RHOBTB3: variants seen among roughly 807,000 people sequenced by gnomAD.
RHOBTB3 encodes the protein Rho related BTB domain containing 3, also known as rho-related BTB domain-containing protein 3.
A neutral mutation model predicts 67.2 loss-of-function variants in RHOBTB3; 47 were observed. That is an observed-to-expected ratio of 0.70 (90% confidence interval 0.55 to 0.89). The LOEUF is 0.89. Ranked by LOEUF, RHOBTB3 falls within the 40% of genes least tolerant of loss-of-function variation. RHOBTB3 has a pLI of 0.00. For missense variants in RHOBTB3, 631 were observed against 750.0 expected, an observed-to-expected ratio of 0.84 and a Z score of 1.85; for synonymous variants, 273 against 274.2, an observed-to-expected ratio of 1.00 and a Z score of 0.04.
At chr5:95,792,989 CA>C (rs1170923497) in intron 11 of RHOBTB3, 69 bp from the exon 12 acceptor site, 1 of 1,048,430 alleles carries the variant, frequency 9.5e-7, no homozygotes, top group African/African-American at 1.6e-5. Flanking sequence ...AAGAGGAAAT[CA>C]ATAGCTGATA....
intron 3 of RHOBTB3, among the ~76,000 whole-genome samples, chr5:95,745,088 A>T (rs530041125): frequency 3.0e-4 from 46 of 152,138 alleles, no homozygotes; most frequent in South Asian, 1.0e-3. Flanking sequence ...AAATAAATAA[A>T]TACATAAAAA....
chr5:95,791,524 C>A (rs79801543), intron 11 of RHOBTB3, among the ~76,000 whole-genome samples: 3,606 of 152,230 alleles, frequency 0.024, 52 homozygotes, highest in Middle Eastern at 0.037. Context: ...TTTGCTTCCT[C>A]TTGAAACTTA....
In RHOBTB3 at chr5:95,793,362, C is replaced by T; in HGVS notation, c.*188C>T. ...TGGTCTTAAAAGGGAACAAAATATA[C>T]CATAGGCTAAAACTAAGGCTTTCAC... On this transcript the variant is annotated 3_prime_UTR_variant, in exon 12 of 12. Coordinates refer to ENST00000379982, the MANE Select transcript of RHOBTB3 (RefSeq NM_014899.4). 2 of 441,276 alleles carry T rather than the reference C, an allele frequency of 4.5e-6. No individual in the cohort carries two copies. Among genetic ancestry groups the T allele is most frequent in the South Asian group, 4.7e-5 (1 of 21,464 alleles). 27.3% of individuals were successfully genotyped at this position (441,276 alleles called of 1,614,324 possible).
At chr5:95,721,092 A>G (rs1299255975) in intron 1 of RHOBTB3, among the ~76,000 whole-genome samples, 1 of 152,252 alleles carries the variant, frequency 6.6e-6, no homozygotes, top group Non-Finnish European at 1.5e-5. Context: ...ATAAGGATAC[A>G]CTATGACTTA....
At chr5:95,790,734 G>C (rs546717001) in intron 11 of RHOBTB3, among the ~76,000 whole-genome samples, 1 of 152,202 alleles carries the variant, frequency 6.6e-6, no homozygotes, top group East Asian at 1.9e-4. Context: ...CATCCTCTTG[G>C]GCAGAGGAAA....
intron 9 of RHOBTB3, chr5:95,782,383 GA>G (rs1746075382): frequency 6.6e-6 from 1 of 152,206 alleles, no homozygotes; most frequent in Non-Finnish European, 1.5e-5. Context: ...GGGAAAGGGG[GA>G]AACAGGGAGT....
chr5:95,750,101 A>G (rs1024795735), intron 4 of RHOBTB3, among the ~76,000 whole-genome samples: 4 of 152,240 alleles, frequency 2.6e-5, no homozygotes, highest in Non-Finnish European at 5.9e-5. Context: ...GTAAAGTACA[A>G]CTGGGATCTT....
intron 1 of RHOBTB3, among the ~76,000 whole-genome samples, chr5:95,718,792 A>T (rs931276765): frequency 6.6e-6 from 1 of 152,224 alleles, no homozygotes; most frequent in Admixed American, 6.5e-5. Context: ...ATGAAATCTC[A>T]GTTGGATAGG....
chr5:95,721,806 G>A (rs1286296574), intron 1 of RHOBTB3, among the ~76,000 whole-genome samples: 1 of 151,922 alleles, frequency 6.6e-6, no homozygotes, highest in Non-Finnish European at 1.5e-5. Flanking sequence ...ATGTCTGTAA[G>A]ATAAGCCAAA....
chr5:95,739,792 C>A (rs2431341), intron 3 of RHOBTB3, among the ~76,000 whole-genome samples: 77,993 of 151,970 alleles, frequency 0.51, 20,761 homozygotes, highest in East Asian at 0.82. Context: ...CCATCTGCCC[C>A]CCTCAGTCTC....
chr5:95,746,502 C>T (rs1744917973), intron 3 of RHOBTB3, among the ~76,000 whole-genome samples: 1 of 152,046 alleles, frequency 6.6e-6, no homozygotes, highest in Admixed American at 6.6e-5. Flanking sequence ...TGTATGAAAA[C>T]TTTATTTGCT....
At chr5:95,729,074 C>A (rs1755142612), upstream of RHOBTB3, among the ~76,000 whole-genome samples, 1 of 152,054 alleles carries the variant, frequency 6.6e-6, no homozygotes. Flanking sequence ...AATAATCCAC[C>A]CCTTGTTTAG....
At chr5:95,745,719 T>C (rs958035271) in intron 3 of RHOBTB3, among the ~76,000 whole-genome samples, 1 of 152,144 alleles carries the variant, frequency 6.6e-6, no homozygotes, top group Non-Finnish European at 1.5e-5. Flanking sequence ...TAATGTTAGC[T>C]AGAAGTGTAG....
intron 3 of RHOBTB3, 107 bp downstream of exon 3, chr5:95,737,182 A>G (rs1755474043): frequency 5.5e-6 from 4 of 724,640 alleles, no homozygotes; most frequent in African/African-American, 3.7e-5. Context: ...GAAAACCAAA[A>G]TGACTTTGGT....
At chr5:95,791,122 C>T (rs1323773668) in intron 11 of RHOBTB3, among the ~76,000 whole-genome samples, 1 of 152,136 alleles carries the variant, frequency 6.6e-6, no homozygotes, top group Non-Finnish European at 1.5e-5. Flanking sequence ...TGTCCATCTT[C>T]AGCTTGAAAA....
At chr5:95,752,434 A>C (rs1561445368) in intron 5 of RHOBTB3, 84 bp downstream of exon 5, 6 of 924,370 alleles carry the variant, frequency 6.5e-6, no homozygotes, top group Non-Finnish European at 1.0e-5. Flanking sequence ...ATTATTCTCA[A>C]ACTTGAGCAT....
chr5:95,788,600 C>T (rs539113445), intron 10 of RHOBTB3, among the ~76,000 whole-genome samples, 162 bp from the exon 11 acceptor site: 1 of 152,334 alleles, frequency 6.6e-6, no homozygotes, highest in East Asian at 1.9e-4. Context: ...ATAGTGCTCC[C>T]TCATCCTGTC....
At chr5:95,751,841 T>C (rs1034569295) in intron 4 of RHOBTB3, among the ~76,000 whole-genome samples, 4 of 152,228 alleles carry the variant, frequency 2.6e-5, no homozygotes, top group Non-Finnish European at 5.9e-5. Flanking sequence ...TCTAGCTCCA[T>C]CCATTTTGCC....
At chr5:95,742,451 G>A (rs900288701) in intron 3 of RHOBTB3, among the ~76,000 whole-genome samples, 4 of 152,180 alleles carry the variant, frequency 2.6e-5, no homozygotes, top group Non-Finnish European at 5.9e-5. Flanking sequence ...GTCTAGGAAA[G>A]TCTTAACTGT....
Sources: gnomAD v4.1 joint callset for allele counts (sites outside exome capture counted in the v4.1 genomes callset) on GRCh38, gnomAD v4.1.1 for gene constraint, MANE v1.5 for transcripts, NCBI Gene and HGNC (gene_info 2026-07-23, HGNC 2026-07-21) for gene names.